The following TDRD12 variants were observed in gnomAD, a reference collection of about 807,000 sequenced individuals.
TDRD12 encodes putative ATP-dependent RNA helicase TDRD12.
In TDRD12, 158 loss-of-function variants were observed where a neutral mutation model predicts 133.5. The ratio of observed to expected loss-of-function variants is 1.18; its 90% CI spans 1.04 to 1.35. The LOEUF is 1.35. TDRD12 is among the 40% of genes most tolerant of loss of function. TDRD12 has a pLI of 0.00. For missense variants in TDRD12, 1,443 were observed against 1,321.3 expected, an observed-to-expected ratio of 1.09 and a Z score of -1.43; for synonymous variants, 460 against 477.9, an observed-to-expected ratio of 0.96 and a Z score of 0.49.
chr19:32,826,757 A>T lies in TDRD12; in HGVS notation c.1049+159A>T. The T allele has an allele frequency of 8.1e-7, 1 of 1,231,994 alleles. No homozygotes were observed. The highest frequency in any genetic ancestry group is 1.0e-6 in the Non-Finnish European group (1 of 987,826). The allele number at this position is 1,231,994 out of a possible 1,614,324, so 76.3% of individuals were successfully genotyped here. The stretch of plus-strand genomic sequence containing the variant: ...ACAGCCACTTCCCCAAGGGTAAGGC[A>T]TAGAGCGCCCACTCTCCGAGGGGTT... On this transcript the variant is annotated intron_variant, in intron 9 of 9. Transcript: ENST00000637289.
chr19:32,774,521 G>A (rs1219606725), intron 10 of TDRD12, among the ~76,000 whole-genome samples: 1 of 151,586 alleles, frequency 6.6e-6, no homozygotes, highest in Non-Finnish European at 1.5e-5. Context: ...TTTGCTAGGT[G>A]TAGAATTCTA....
chr19:32,738,396 C>T (rs1969290325), intron 2 of TDRD12, among the ~76,000 whole-genome samples: 1 of 152,204 alleles, frequency 6.6e-6, no homozygotes, highest in Non-Finnish European at 1.5e-5. Context: ...AGTGGCTCAG[C>T]TTGGGTAGGC....
At chr19:32,784,639 G>A (rs1198630362) in intron 11 of TDRD12, among the ~76,000 whole-genome samples, 2 of 151,868 alleles carry the variant, frequency 1.3e-5, no homozygotes, top group African/African-American at 2.4e-5. Context: ...TTGGTTGGCA[G>A]GCTATTACAG....
chr19:32,796,740 G>A (rs907462098), intron 14 of TDRD12, among the ~76,000 whole-genome samples: 13 of 152,298 alleles, frequency 8.5e-5, no homozygotes, highest in Non-Finnish European at 1.9e-4. Context: ...AGGGCAGAAG[G>A]GGATGTCCAG....
intron 22 of TDRD12, 71 bp downstream of exon 22, chr19:32,807,719 G>A: frequency 8.6e-7 from 1 of 1,158,626 alleles, no homozygotes; most frequent in Non-Finnish European, 1.2e-6. Flanking sequence ...TATTTGTTAA[G>A]CAGGATCTTA....
In TDRD12 at chr19:32,800,781, A is replaced by T. The variant is rs532330369; in HGVS notation, c.2079+9A>T. 119 of 1,510,948 alleles carry T rather than the reference A, an allele frequency of 7.9e-5. No individual in the cohort carries two copies. The highest frequency in any genetic ancestry group is 5.3e-6 in the Non-Finnish European group (6 of 1,138,704). The allele number at this position is 1,510,948 out of a possible 1,614,324, so 93.6% of individuals were successfully genotyped here. A position where few individuals can be genotyped will look rare whatever the true frequency, so the allele number is the denominator to read the frequency against. ...CAGAAATAGTGTGTAAGGTGAGTCCATCTCCATATAAAAAATGTTCTGTTT... is the reference window on the plus strand; with the variant it reads ...CAGAAATAGTGTGTAAGGTGAGTCCTTCTCCATATAAAAAATGTTCTGTTT... On this transcript the variant is annotated intron_variant, in intron 18 of 27. Coordinates refer to ENST00000444215, the Ensembl canonical transcript of TDRD12.
At chr19:32,723,539 G>A (rs1209560490) in intron 1 of TDRD12, among the ~76,000 whole-genome samples, 3 of 151,902 alleles carry the variant, frequency 2.0e-5, no homozygotes, top group East Asian at 3.9e-4. Flanking sequence ...ATGAGCCACC[G>A]TGCCTGGCCC....
chr19:32,797,950 A>G (rs752190841), intron 15 of TDRD12, 59 bp downstream of exon 15: 32 of 627,322 alleles, frequency 5.1e-5, no homozygotes, highest in Non-Finnish European at 7.9e-5. Context: ...TGTCTTCCCT[A>G]CAGAAGACAG....
intron 26 of TDRD12, among the ~76,000 whole-genome samples, chr19:32,816,771 G>C (rs1056227608): frequency 1.3e-5 from 2 of 152,216 alleles, no homozygotes; most frequent in African/African-American, 4.8e-5. Context: ...GATCCTGGCA[G>C]CTCCAGAGGG....
chr19:32,720,207 A>G lies in TDRD12; in HGVS notation c.24+111A>G, dbSNP rs1273622103. On this transcript the variant is annotated intron_variant, in intron 1 of 27. Transcript: ENST00000444215. ...CAGCTCCGCACAGCTTCCTACACCC[A>G]CCGCAGCCCCGCACAGCCTCCCACC... 3.2e-6 allele frequency: 3 copies of G among 932,640 alleles called. No homozygotes were observed. In the Admixed American group the frequency reaches 8.4e-5, roughly 26 times the overall value. 57.8% of individuals were successfully genotyped at this position (932,640 alleles called of 1,614,324 possible). A position where few individuals can be genotyped will look rare whatever the true frequency, so the allele number is the denominator to read the frequency against.
chr19:32,813,492 C>G (rs916644491), intron 24 of TDRD12, among the ~76,000 whole-genome samples, 192 bp from the exon 25 acceptor site: 9 of 152,216 alleles, frequency 5.9e-5, no homozygotes, highest in Admixed American at 1.3e-4. Context: ...GGGCGAGTTC[C>G]TTTCCACACC....
In TDRD12 at chr19:32,749,955, G is replaced by C. The variant is rs1568458011; in HGVS notation, c.582+86G>C. On this transcript the variant is annotated intron_variant, in intron 6 of 27. Transcript: ENST00000444215. ...CAGAATAAATGCCAAGAAAAACACT[G>C]TAGTTCGTACAGCATAGAAATTGTC... 3.0e-6 allele frequency: 3 copies of C among 984,592 alleles called. No homozygotes were observed. In the Admixed American group the frequency reaches 7.1e-5, roughly 23 times the overall value. 61.0% of individuals were successfully genotyped at this position (984,592 alleles called of 1,614,324 possible).
At chr19:32,821,412 G>A (rs932148818), downstream of TDRD12, 34 of 236,346 alleles carry the variant, frequency 1.4e-4, no homozygotes, top group African/African-American at 1.4e-3. Context: ...GTGTGTGTGC[G>A]TGTGAACCAC....
At chr19:32,764,779 G>T (rs1970247676) in intron 8 of TDRD12, among the ~76,000 whole-genome samples, 1 of 152,132 alleles carries the variant, frequency 6.6e-6, no homozygotes, top group South Asian at 2.1e-4. Context: ...TTGAAGGTCT[G>T]TTACTTAGGT....
At chr19:32,744,458 C>T (rs1409961054) in intron 4 of TDRD12, among the ~76,000 whole-genome samples, 1 of 133,850 alleles carries the variant, frequency 7.5e-6, no homozygotes, top group Non-Finnish European at 1.5e-5. Flanking sequence ...CAAGATTGCG[C>T]CACTGCACTC....
chr19:32,798,974 A>G (rs1204050770), intron 16 of TDRD12, among the ~76,000 whole-genome samples: 1 of 152,200 alleles, frequency 6.6e-6, no homozygotes, highest in Non-Finnish European at 1.5e-5. Context: ...AGTTCTTTGG[A>G]CATCACAGAA....
intron 1 of TDRD12, among the ~76,000 whole-genome samples, chr19:32,725,342 T>C (rs1260624129): frequency 1.3e-5 from 2 of 152,104 alleles, no homozygotes; most frequent in Admixed American, 1.3e-4. Flanking sequence ...TTTTTTATAG[T>C]TTTAGGTTTT....
chr19:32,721,072 A>G (rs1342872626), intron 1 of TDRD12, among the ~76,000 whole-genome samples: 1 of 152,016 alleles, frequency 6.6e-6, no homozygotes, highest in East Asian at 2.0e-4. Flanking sequence ...GCCCCAGCCC[A>G]TGGGTCCGGG....
chr19:32,739,067 A>G (rs1212545942), intron 3 of TDRD12, 75 bp downstream of exon 3: 1 of 1,513,526 alleles, frequency 6.6e-7, no homozygotes, highest in African/African-American at 1.4e-5. Flanking sequence ...GTCCATTTTA[A>G]AGTACGGGGC....
Sources: allele counts gnomAD v4.1 joint callset (sites outside exome capture counted in the v4.1 genomes callset), GRCh38; gene constraint gnomAD v4.1.1; transcripts MANE v1.5; gene names NCBI Gene and HGNC (gene_info 2026-07-23, HGNC 2026-07-21).